Variants in RGS5 observed in about 807,000 individuals in gnomAD.
RGS5 encodes the protein regulator of G protein signaling 5, also known as regulator of G-protein signalling 5.
Under a neutral mutation model 18.9 loss-of-function variants are expected in RGS5, and 20 were observed. The observed-to-expected ratio is 1.06, with a 90% CI of 0.74 to 1.54. The LOEUF (loss-of-function observed/expected upper bound fraction) is 1.54, where lower values mean the gene tolerates loss of function less well. Ranked by LOEUF, RGS5 falls within the 40% of genes most tolerant of loss-of-function variation. RGS5 has a pLI of 0.00. For synonymous variants in RGS5, 57 were observed against 76.2 expected, an observed-to-expected ratio of 0.75 and a Z score of 1.31; for missense variants, 201 against 211.8, an observed-to-expected ratio of 0.95 and a Z score of 0.32.
intron 2 of RGS5, among the ~76,000 whole-genome samples, chr1:163,271,498 G>A (rs1468769609): frequency 2.6e-5 from 4 of 152,122 alleles, no homozygotes; most frequent in Admixed American, 2.6e-4. Context: ...GAATCTGCTG[G>A]CATCCTGATC....
Position 163,173,131 on chromosome 1 carries a change from G to C in RGS5, c.45-4763C>G, listed in dbSNP as rs530155716. Among the ~76,000 whole-genome samples, 13 of 152,150 alleles carry C rather than the reference G, an allele frequency of 8.5e-5. No homozygotes were observed. The South Asian group carries it at 1.5e-3, about 17-fold the overall frequency. Reference sequence around the variant, plus strand: ...TAATTTGTTTACAATTTCCTGCTTGGTCTCGGGCTCTATTTGACTGCACAC... The same window carrying C: ...TAATTTGTTTACAATTTCCTGCTTGCTCTCGGGCTCTATTTGACTGCACAC... On this transcript the variant is annotated intron_variant, in intron 1 of 4. Transcript: ENST00000313961.
chr1:163,197,752 G>A (rs958436589), intron 1 of RGS5, among the ~76,000 whole-genome samples: 9 of 152,018 alleles, frequency 5.9e-5, no homozygotes, highest in African/African-American at 1.9e-4. Context: ...AGAATATCAG[G>A]TATAGTAAGC....
intron 2 of RGS5, among the ~76,000 whole-genome samples, chr1:163,234,379 T>C (rs960131257): frequency 4.6e-4 from 70 of 152,202 alleles, no homozygotes; most frequent in African/African-American, 1.5e-3. Context: ...TGAAATATTT[T>C]CCATTTTATA....
intron 2 of RGS5, among the ~76,000 whole-genome samples, chr1:163,279,666 G>A (rs1648942033): frequency 6.6e-6 from 1 of 151,838 alleles, no homozygotes; most frequent in Non-Finnish European, 1.5e-5. Flanking sequence ...AGTAAATTCA[G>A]AGCAGAGCTA....
chr1:163,172,678 A>G, intron 1 of RGS5: 2 of 1,402,072 alleles, frequency 1.4e-6, no homozygotes, highest in Non-Finnish European at 1.9e-6. Context: ...TATAGGCTCA[A>G]GTATAGAGCA....
chr1:163,280,916 C>T (rs1281854199), intron 2 of RGS5, among the ~76,000 whole-genome samples: 2 of 152,074 alleles, frequency 1.3e-5, no homozygotes, highest in Non-Finnish European at 2.9e-5. Context: ...AAAGAAATAC[C>T]TGAGACTAGG....
chr1:163,175,745 T>C (rs1324406319), intron 1 of RGS5, among the ~76,000 whole-genome samples: 1 of 152,266 alleles, frequency 6.6e-6, no homozygotes, highest in African/African-American at 2.4e-5. Context: ...TGATATCATG[T>C]TAAAACATGT....
intron 1 of RGS5, among the ~76,000 whole-genome samples, chr1:163,177,685 C>T (rs774993435): frequency 1.2e-4 from 18 of 152,128 alleles, no homozygotes; most frequent in Non-Finnish European, 2.6e-4. Context: ...CGCAGTCACC[C>T]CTCTCCACGG....
intron 3 of RGS5, among the ~76,000 whole-genome samples, chr1:163,153,996 T>G (rs1262743175): frequency 6.6e-6 from 1 of 152,132 alleles, no homozygotes; most frequent in African/African-American, 2.4e-5. Flanking sequence ...GTAACATGTT[T>G]CGAATGTCAC....
upstream of RGS5, among the ~76,000 whole-genome samples, chr1:163,218,121 G>T (rs1013033548): frequency 2.6e-5 from 4 of 152,190 alleles, no homozygotes; most frequent in African/African-American, 7.2e-5. Flanking sequence ...AGCTATGCAG[G>T]TTTGAAAAGC....
At chr1:163,288,055 T>C (rs539969053) in intron 2 of RGS5, among the ~76,000 whole-genome samples, 1 of 152,174 alleles carries the variant, frequency 6.6e-6, no homozygotes. Flanking sequence ...GAAAACGTAT[T>C]AATTTTTTTT....
At chr1:163,165,372 T>C (rs1315664150) in intron 2 of RGS5, among the ~76,000 whole-genome samples, 2 of 152,244 alleles carry the variant, frequency 1.3e-5, no homozygotes, top group Non-Finnish European at 2.9e-5. Flanking sequence ...AAATAAGCTA[T>C]ATGAATATCT....
chr1:163,222,858 T>C (rs1647256823), intron 2 of RGS5, among the ~76,000 whole-genome samples: 1 of 152,040 alleles, frequency 6.6e-6, no homozygotes, highest in Admixed American at 6.6e-5. Flanking sequence ...TATTTATTTT[T>C]TTATTTATTT....
At chr1:163,235,605 G>A (rs1647602800) in intron 2 of RGS5, among the ~76,000 whole-genome samples, 1 of 152,038 alleles carries the variant, frequency 6.6e-6, no homozygotes, top group African/African-American at 2.4e-5. Flanking sequence ...TCTCGCTCTG[G>A]GTCTTGATTC....
chr1:163,242,663 T>C (rs973894733), intron 2 of RGS5, among the ~76,000 whole-genome samples: 2 of 152,112 alleles, frequency 1.3e-5, no homozygotes, highest in Non-Finnish European at 2.9e-5. Flanking sequence ...GGAAATTGTG[T>C]GTATATTGGT....
At chr1:163,186,357 C>T (rs1379035523) in intron 1 of RGS5, among the ~76,000 whole-genome samples, 1 of 152,060 alleles carries the variant, frequency 6.6e-6, no homozygotes, top group East Asian at 1.9e-4. Flanking sequence ...GCATGAGCCA[C>T]TGCGCCCAGC....
intron 1 of RGS5, among the ~76,000 whole-genome samples, chr1:163,175,189 T>C (rs1246594114): frequency 6.6e-6 from 1 of 151,740 alleles, no homozygotes; most frequent in African/African-American, 2.4e-5. Context: ...CAGCCGAGAG[T>C]AAGACATTTG....
chr1:163,258,394 C>G (rs1648334639), intron 2 of RGS5, among the ~76,000 whole-genome samples: 1 of 152,130 alleles, frequency 6.6e-6, no homozygotes, highest in Non-Finnish European at 1.5e-5. Context: ...GCCCTTTCCC[C>G]TTCTATGTCT....
intron 1 of RGS5, among the ~76,000 whole-genome samples, chr1:163,311,343 T>C (rs1649856472): frequency 6.6e-6 from 1 of 152,240 alleles, no homozygotes; most frequent in African/African-American, 2.4e-5. Context: ...TCTGCTTTCT[T>C]ATCATTTGTG....
Sources: allele counts gnomAD v4.1 joint callset (sites outside exome capture counted in the v4.1 genomes callset), GRCh38; gene constraint gnomAD v4.1.1; transcripts MANE v1.5; gene names NCBI Gene and HGNC (gene_info 2026-07-23, HGNC 2026-07-21).